The following CDRT4 variants were observed in gnomAD, a reference collection of about 807,000 sequenced individuals.
The protein encoded by CDRT4 is CMT1A duplicated region transcript 4 protein.
For synonymous variants in CDRT4, 64 were observed against 69.6 expected, an observed-to-expected ratio of 0.92 and a Z score of 0.40; for missense variants, 167 against 193.1, an observed-to-expected ratio of 0.87 and a Z score of 0.80.
At chr17:15,454,348 G>A (rs551602768) in intron 1 of CDRT4, among the ~76,000 whole-genome samples, 12 of 152,240 alleles carry the variant, frequency 7.9e-5, no homozygotes, top group African/African-American at 1.4e-4. Context: ...CATGTTAACC[G>A]AGGGATGTTT....
intron 1 of CDRT4, among the ~76,000 whole-genome samples, chr17:15,453,690 A>G (rs148579724): frequency 2.6e-5 from 4 of 152,344 alleles, no homozygotes; most frequent in Admixed American, 6.5e-5. Flanking sequence ...AGAATTCACC[A>G]AAGTTCCCAA....
chr17:15,459,570 G>A (rs1216652604), intron 1 of CDRT4, among the ~76,000 whole-genome samples: 1 of 149,790 alleles, frequency 6.7e-6, no homozygotes, highest in East Asian at 2.0e-4. Flanking sequence ...TCAGCCTCCT[G>A]AGTAGCTGGG....
At chr17:15,458,368 AG>A (rs1046861580) in intron 1 of CDRT4, among the ~76,000 whole-genome samples, 1 of 152,132 alleles carries the variant, frequency 6.6e-6, no homozygotes, top group Non-Finnish European at 1.5e-5. Flanking sequence ...ATGAAGATGC[AG>A]GCCTGAACTG....
At chr17:15,463,119 G>T (rs1290098730) in intron 1 of CDRT4, among the ~76,000 whole-genome samples, 1 of 152,148 alleles carries the variant, frequency 6.6e-6, no homozygotes, top group Non-Finnish European at 1.5e-5. Flanking sequence ...GGGTGTGAGT[G>T]TGCCATTCTC....
chr17:15,444,575 G>C (rs1029483874), intron 2 of CDRT4, among the ~76,000 whole-genome samples: 2 of 152,070 alleles, frequency 1.3e-5, no homozygotes, highest in Admixed American at 1.3e-4. Flanking sequence ...AAAAAGAACC[G>C]GGCGCGGTGG....
intron 2 of CDRT4, among the ~76,000 whole-genome samples, chr17:15,442,491 T>C (rs1238072913): frequency 6.6e-6 from 1 of 152,206 alleles, no homozygotes; most frequent in Non-Finnish European, 1.5e-5. Context: ...TGGAAATATG[T>C]TTCAGCTGGC....
At chr17:15,443,966 C>A in intron 2 of CDRT4, 1 of 705,264 alleles carries the variant, frequency 1.4e-6, no homozygotes. Flanking sequence ...CTGTCGAAAT[C>A]CAAAATTTCT....
chr17:15,441,567 T>C (rs1978762268), intron 2 of CDRT4, among the ~76,000 whole-genome samples: 1 of 152,124 alleles, frequency 6.6e-6, no homozygotes, highest in Non-Finnish European at 1.5e-5. Flanking sequence ...TTCCCAGGTT[T>C]TTCATCCCCC....
At chr17:15,448,387 TATAA>T (rs1394359328) in intron 2 of CDRT4, among the ~76,000 whole-genome samples, 2 of 152,202 alleles carry the variant, frequency 1.3e-5, no homozygotes, top group Non-Finnish European at 2.9e-5. Context: ...GTGACTGTAT[TATAA>T]ATAGTGTGTG....
Position 15,467,600 on chromosome 17 carries a change from C to T in CDRT4, c.-270G>A, listed in dbSNP as rs1005413108. ...CTCTCTCTTTGCTGCAGCTAACCAT[C>T]CTCTTGCCCCTGCCCCAAAGTGACC... On this transcript the variant is annotated 5_prime_UTR_variant, in exon 1 of 4. Coordinates refer to ENST00000619038, the MANE Select transcript of CDRT4 (RefSeq NM_001204477.2). 2.2e-4 allele frequency: 33 copies of T among 152,270 alleles called. No homozygotes were observed. The highest frequency in any genetic ancestry group is 7.7e-4 in the African/African-American group (32 of 41,386). 9.4% of individuals were successfully genotyped at this position (152,270 alleles called of 1,614,324 possible). A position where few individuals can be genotyped will look rare whatever the true frequency, so the allele number is the denominator to read the frequency against.
chr17:15,448,622 G>C (rs1979131779), intron 2 of CDRT4, among the ~76,000 whole-genome samples: 1 of 152,184 alleles, frequency 6.6e-6, no homozygotes, highest in Admixed American at 6.5e-5. Context: ...TCTCTCTCCT[G>C]GGCCTTTGCA....
chr17:15,452,255 A>G (rs1979295494), intron 2 of CDRT4, among the ~76,000 whole-genome samples: 1 of 152,334 alleles, frequency 6.6e-6, no homozygotes, highest in African/African-American at 2.4e-5. Context: ...TCTGAGCCTT[A>G]AAGTTTTCCC....
At position 15,437,548 on chromosome 17, in the gene CDRT4, C is replaced by T. The variant is rs1978546111; in HGVS notation, c.*225G>A. On this transcript the variant is annotated 3_prime_UTR_variant, in exon 4 of 4. Coordinates refer to ENST00000619038, the MANE Select transcript of CDRT4 (RefSeq NM_001204477.2). The stretch of plus-strand genomic sequence containing the variant: ...CAGCAGAGACTAGAGCCAGGGACTG[C>T]CCAAACCCACCAGAGAGCAGTGTGG... 1 of 584,694 alleles carries T rather than the reference C, an allele frequency of 1.7e-6. No individual in the cohort carries two copies. 36.2% of individuals were successfully genotyped at this position (584,694 alleles called of 1,614,324 possible).
intron 1 of CDRT4, among the ~76,000 whole-genome samples, chr17:15,455,999 T>A (rs1010222387): frequency 6.6e-6 from 1 of 152,098 alleles, no homozygotes; most frequent in African/African-American, 2.4e-5. Flanking sequence ...GGATAACCAA[T>A]AAAAAGCCCC....
chr17:15,456,183 A>G (rs1979473034), intron 1 of CDRT4, among the ~76,000 whole-genome samples: 1 of 152,304 alleles, frequency 6.6e-6, no homozygotes, highest in East Asian at 1.9e-4. Flanking sequence ...ATTTAGGCCT[A>G]TAACATACTA....
chr17:15,439,156 G>A (rs1396416274), intron 3 of CDRT4: 1 of 456,084 alleles, frequency 2.2e-6, no homozygotes, highest in South Asian at 1.5e-5. Context: ...ACCTTCCTCT[G>A]TGTTCTTATG....
In CDRT4 at chr17:15,436,937, A is replaced by AAAGGAGG. The variant is rs1390448849; in HGVS notation, c.*829_*835dup. Reference sequence around the variant, plus strand: ...GGAGCTAGAAGGAATCTGCTAGGCTAAAGGAGGAAGTAGGAAGTGGCCCCT... The same window carrying AAAGGAGG: ...GGAGCTAGAAGGAATCTGCTAGGCTAAAGGAGGAAGGAGGAAGTAGGAAGTGGCCCCT... On this transcript the variant is annotated 3_prime_UTR_variant, in exon 4 of 4. Transcript: ENST00000619038. 6.6e-6 allele frequency: 1 copy of AAAGGAGG among 152,194 alleles called. No homozygotes were observed. The highest frequency in any genetic ancestry group is 1.9e-4 in the East Asian group (1 of 5,182). The allele number at this position is 152,194 out of a possible 1,614,324, so 9.4% of individuals were successfully genotyped here.
At chr17:15,459,846 C>G (rs1979669444) in intron 1 of CDRT4, among the ~76,000 whole-genome samples, 1 of 152,068 alleles carries the variant, frequency 6.6e-6, no homozygotes, top group South Asian at 2.1e-4. Context: ...GAATGATCTC[C>G]TTTGCCTCTT....
At position 15,450,732 on chromosome 17, in the gene CDRT4, C is replaced by G. The variant is rs1979223950; in HGVS notation, c.-48+2272G>C. 6.6e-6 allele frequency among the ~76,000 whole-genome samples: 1 copy of G among 152,132 alleles called. No individual in the cohort carries two copies. The highest frequency in any genetic ancestry group is 2.4e-5 in the African/African-American group (1 of 41,412). ...ATATACTACATCTTTATTTGTATAT[C>G]TAATAACCTCTCAAACTTTTCATGG... is the stretch of plus-strand genomic sequence containing the variant. On this transcript the variant is annotated intron_variant, in intron 2 of 3. Coordinates refer to ENST00000619038, the MANE Select transcript of CDRT4 (RefSeq NM_001204477.2). This position sits in a 1 kb window ranked among gnomAD's most constrained non-coding sequence, Gnocchi z 4.2.
Sources: allele counts gnomAD v4.1 joint callset (sites outside exome capture counted in the v4.1 genomes callset), GRCh38; gene constraint gnomAD v4.1.1; non-coding constraint Gnocchi (gnomAD v3.1); transcripts MANE v1.5; gene names NCBI Gene and HGNC (gene_info 2026-07-23, HGNC 2026-07-21).